The following CLECL1 variants were observed in gnomAD, a reference collection of about 807,000 sequenced individuals.
The protein encoded by CLECL1 is C-type lectin-like domain family 1.
At chr12:9,722,705 C>G in exon 4 of CLECL1, 1 of 1,613,874 alleles carries the variant, frequency 6.2e-7, no homozygotes, top group Non-Finnish European at 8.5e-7. Context: ...GTCATTTTGA[C>G]TTTTGTTCCA....
At chr12:9,717,468 T>C (rs1225229088) in intron 2 of CLECL1, among the ~76,000 whole-genome samples, 1 of 152,230 alleles carries the variant, frequency 6.6e-6, no homozygotes, top group Non-Finnish European at 1.5e-5. Flanking sequence ...GCTTTCTAAT[T>C]GATATTAATC....
downstream of CLECL1, chr12:9,722,611 G>A: frequency 1.3e-6 from 2 of 1,585,326 alleles, no homozygotes; most frequent in Non-Finnish European, 1.7e-6. Flanking sequence ...GCCAGTGTGG[G>A]GGATGCTGTC....
chr12:9,730,226 C>G (rs1866430539), intron 1 of CLECL1, among the ~76,000 whole-genome samples: 1 of 152,126 alleles, frequency 6.6e-6, no homozygotes, highest in Non-Finnish European at 1.5e-5. Context: ...CTCTTGACTA[C>G]CAGACTAGTG....
At chr12:9,709,494 G>A in the CLECL1 span, 1 of 152,234 alleles carries the variant, frequency 6.6e-6, no homozygotes. Flanking sequence ...CAGGTTTTCA[G>A]ATGACCCTTA....
At chr12:9,721,176 G>T, downstream of CLECL1, among the ~76,000 whole-genome samples, 1 of 150,578 alleles carries the variant, frequency 6.6e-6, no homozygotes, top group African/African-American at 2.5e-5. Flanking sequence ...TATTTTATTT[G>T]CCATATGATG....
intron 1 of CLECL1, among the ~76,000 whole-genome samples, chr12:9,732,115 T>A (rs1339041095): frequency 1.3e-5 from 2 of 152,164 alleles, no homozygotes; most frequent in Non-Finnish European, 2.9e-5. Context: ...CACACTAGAT[T>A]CCTTTGATAA....
chr12:9,703,664 G>A, the CLECL1 span, among the ~76,000 whole-genome samples: 1 of 151,992 alleles, frequency 6.6e-6, no homozygotes, highest in Non-Finnish European at 1.5e-5. Flanking sequence ...CAAAGTGCTT[G>A]GATTATAGTT....
chr12:9,706,274 T>C, the CLECL1 span, among the ~76,000 whole-genome samples: 7 of 152,220 alleles, frequency 4.6e-5, no homozygotes, highest in South Asian at 1.2e-3. Flanking sequence ...GATGGGACTT[T>C]CCAAATATAG....
At chr12:9,718,897 T>A (rs1463100892), downstream of CLECL1, 17 of 585,460 alleles carry the variant, frequency 2.9e-5, no homozygotes, top group Non-Finnish European at 5.1e-5. Context: ...TCTGTGATAC[T>A]TTATTGAAAC....
In CLECL1 at chr12:9,717,429, G is replaced by C. The variant is rs148715459; in HGVS notation, n.153-653C>G. On this transcript the variant is annotated intron_variant and non_coding_transcript_variant, in intron 2 of 2. Coordinates refer to the CLECL1 transcript ENST00000540988. ...ATTGGAAACGTCTTATCAATGACTT[G>C]CAGTAGTTTAATTGGCAACTTTATT... Among the ~76,000 whole-genome samples the C allele has an allele frequency of 3.3e-5, 5 of 152,290 alleles. No individual in the cohort carries two copies. In the East Asian group the frequency reaches 9.6e-4, roughly 29 times the overall value.
downstream of CLECL1, chr12:9,718,885 A>C: frequency 1.7e-6 from 1 of 596,382 alleles, no homozygotes; most frequent in Non-Finnish European, 3.0e-6. Context: ...TTAGCTACCT[A>C]GTCTGTGATA....
chr12:9,704,729 A>G, the CLECL1 span, among the ~76,000 whole-genome samples: 4 of 152,172 alleles, frequency 2.6e-5, no homozygotes, highest in Non-Finnish European at 5.9e-5. Flanking sequence ...TGTCTCTGCA[A>G]AGGACATGAT....
intron 1 of CLECL1, among the ~76,000 whole-genome samples, chr12:9,731,993 A>C (rs746475648): frequency 6.6e-6 from 1 of 152,316 alleles, no homozygotes; most frequent in East Asian, 1.9e-4. Flanking sequence ...TTTCATAGGA[A>C]GTGAAAGTGC....
chr12:9,720,438 G>T (rs780085506), downstream of CLECL1, among the ~76,000 whole-genome samples: 17 of 151,734 alleles, frequency 1.1e-4, no homozygotes, highest in African/African-American at 3.9e-4. Flanking sequence ...CGCCTCCCAG[G>T]TTCAAGCGAT....
At position 9,722,817 on chromosome 12, in the gene CLECL1, G is replaced by C. The variant is rs199872241; in HGVS notation, n.263-4C>G. ...ACAGTAGAAAAGTTGAAAGAAACTG[G>C]AAGAAAGGAAGATAAGCAATTAAAA... is the stretch of plus-strand genomic sequence containing the variant. On this transcript the variant is annotated splice_region_variant and splice_polypyrimidine_tract_variant and intron_variant and non_coding_transcript_variant, in intron 3 of 3. Coordinates refer to ENST00000621400, the Ensembl canonical transcript of CLECL1. 6.9e-6 allele frequency: 11 copies of C among 1,592,304 alleles called. No individual in the cohort carries two copies. In the East Asian group the frequency reaches 2.2e-4, roughly 32 times the overall value.
At chr12:9,702,892 C>T in the CLECL1 span, among the ~76,000 whole-genome samples, 4 of 152,066 alleles carry the variant, frequency 2.6e-5, no homozygotes, top group Non-Finnish European at 5.9e-5. Flanking sequence ...CTCTTTTTAC[C>T]CTTACTTTAG....
chr12:9,731,489 G>C (rs776586890), intron 1 of CLECL1, among the ~76,000 whole-genome samples: 1 of 152,324 alleles, frequency 6.6e-6, no homozygotes, highest in South Asian at 2.1e-4. Flanking sequence ...TATGAGGTTA[G>C]AAGAGATCAG....
At chr12:9,710,720 A>G in the CLECL1 span, among the ~76,000 whole-genome samples, 1 of 152,162 alleles carries the variant, frequency 6.6e-6, no homozygotes, top group Non-Finnish European at 1.5e-5. Context: ...GTGGCTGGAC[A>G]TTGAGAGGAA....
the CLECL1 span, among the ~76,000 whole-genome samples, chr12:9,710,722 T>A: frequency 3.3e-5 from 5 of 152,008 alleles, no homozygotes; most frequent in Non-Finnish European, 5.9e-5. Context: ...GGCTGGACAT[T>A]GAGAGGAACA....
Sources: allele counts gnomAD v4.1 joint callset (sites outside exome capture counted in the v4.1 genomes callset), GRCh38; gene constraint gnomAD v4.1.1; transcripts MANE v1.5; gene names NCBI Gene and HGNC (gene_info 2026-07-23, HGNC 2026-07-21).